Variants in COL17A1 observed in about 807,000 individuals in gnomAD.
The protein encoded by COL17A1 is collagen alpha-1(XVII) chain.
A neutral mutation model predicts 218.4 loss-of-function variants in COL17A1; 181 were observed. That is an observed-to-expected ratio of 0.83 (90% confidence interval 0.73 to 0.94). The LOEUF (loss-of-function observed/expected upper bound fraction) is 0.94, where lower values mean the gene tolerates loss of function less well. Among genes scored for constraint, COL17A1 ranks in the 40% least tolerant of loss-of-function variants. The probability of loss-of-function intolerance (pLI) is 0.00; values close to 1 mark genes in which losing one functional copy is unlikely to be tolerated. For missense variants in COL17A1, 1,924 were observed against 1,945.9 expected (o/e 0.99, Z 0.21); for synonymous variants, 721 against 731.0 (o/e 0.99, Z 0.22).
chr10:104,077,601 G>C, intron 3 of COL17A1, 75 bp from the exon 4 acceptor site: 1 of 1,249,050 alleles, frequency 8.0e-7, no homozygotes, highest in Non-Finnish European at 1.1e-6. Context: ...CCACCCTGTG[G>C]AAGGCTTCCC....
chr10:104,059,160 T>C (rs908298008), intron 15 of COL17A1, among the ~76,000 whole-genome samples: 2 of 152,212 alleles, frequency 1.3e-5, no homozygotes, highest in African/African-American at 4.8e-5. Context: ...TTGGCATTCA[T>C]TTGAAAATGT....
chr10:104,054,320 T>C (rs2086498686), intron 20 of COL17A1, among the ~76,000 whole-genome samples: 1 of 152,238 alleles, frequency 6.6e-6, no homozygotes, highest in Non-Finnish European at 1.5e-5. Context: ...CAAGTTATAG[T>C]GAAAAATTAT....
In COL17A1 at chr10:104,034,196, C is replaced by G; in HGVS notation, c.3905G>C (p.Arg1302Thr). ...SSSSSHSSSV[R>T]RGSSYSSSMS... ...GGAAGAGCTGTAGGAGCTGCCCCGC[C>G]TGACAGATGAGCTGTGTGAGGAGGA... The change falls in exon 52 of 56, where the codon AGG becomes ACG. Residue 1302 changes from arginine to threonine, a missense_variant. Physicochemically the swap from Arg to Thr is moderately conservative, Grantham distance 71 (BLOSUM62 -1). Transcript: ENST00000648076. The G allele has an allele frequency of 6.2e-7, 1 of 1,613,294 alleles. No individual in the cohort carries two copies. Among genetic ancestry groups the G allele is most frequent in the Non-Finnish European group, 8.5e-7 (1 of 1,179,934 alleles).
At chr10:104,074,255 G>A (rs895951360) in intron 5 of COL17A1, 24 bp from the exon 6 acceptor site, 6 of 1,614,000 alleles carry the variant, frequency 3.7e-6, no homozygotes, top group Non-Finnish European at 4.2e-6. Flanking sequence ...GAAACACTTA[G>A]AACAAATGGC....
chr10:104,074,608 C>T (rs1164935867), intron 5 of COL17A1, among the ~76,000 whole-genome samples: 1 of 152,224 alleles, frequency 6.6e-6, no homozygotes, highest in Non-Finnish European at 1.5e-5. Flanking sequence ...AGGAACCTCT[C>T]TGACCTTATG....
chr10:104,079,716 A>G (rs986623657), intron 2 of COL17A1, among the ~76,000 whole-genome samples: 23 of 152,210 alleles, frequency 1.5e-4, no homozygotes, highest in African/African-American at 5.3e-4. Context: ...TCACGAGGTC[A>G]GGAGTTTGAG....
chr10:104,038,135 G>A (rs1464927073), intron 45 of COL17A1, among the ~76,000 whole-genome samples: 4 of 152,078 alleles, frequency 2.6e-5, no homozygotes, highest in Admixed American at 6.5e-5. Flanking sequence ...AGGCTGTGTC[G>A]GGGGCAGCTA....
rs4918079 is a variant in COL17A1, at chr10:104,041,495, G to A, written c.2595C>T (p.Arg865=). The A allele has an allele frequency of 0.8, 1,292,804 of 1,611,580 alleles. 524,077 individuals are homozygous for A. The highest frequency in any genetic ancestry group is 0.83 in the Non-Finnish European group (983,343 of 1,178,292). ...LQGPPGPPGP[R]GPPGPSIPGP... ...CTCCAAGATACTCACCTGGTGGCCCGCGTGGGCCGGGTGGGCCTGGGGGAC... is the reference window on the plus strand; with the variant it reads ...CTCCAAGATACTCACCTGGTGGCCCACGTGGGCCGGGTGGGCCTGGGGGAC... Residue 865 remains arginine, a synonymous_variant, in exon 37 of 56, where the codon CGC becomes CGT. Coordinates refer to ENST00000648076, the MANE Select transcript of COL17A1 (RefSeq NM_000494.4).
intron 41 of COL17A1, 82 bp from the exon 42 acceptor site, chr10:104,039,722 T>C: frequency 6.3e-7 from 1 of 1,597,978 alleles, no homozygotes; most frequent in Non-Finnish European, 8.6e-7. Context: ...CCAAGATCCA[T>C]GATTGCTGGG....
At chr10:104,057,272 G>A (rs1467892897) in intron 16 of COL17A1, 100 bp from the exon 17 acceptor site, 12 of 1,587,430 alleles carry the variant, frequency 7.6e-6, no homozygotes, top group Admixed American at 1.7e-5. Flanking sequence ...GAGTGACTAC[G>A]ACTGGGGGCT....
chr10:104,037,280 T>A (rs572056669), intron 46 of COL17A1, among the ~76,000 whole-genome samples, 167 bp from the exon 47 acceptor site: 1 of 104,946 alleles, frequency 9.5e-6, no homozygotes, highest in South Asian at 3.6e-4. Context: ...CAAATACTGT[T>A]GTTGGGATTT....
chr10:104,050,014 T>C, intron 28 of COL17A1, 75 bp downstream of exon 28: 1 of 1,609,932 alleles, frequency 6.2e-7, no homozygotes, highest in Non-Finnish European at 8.5e-7. Context: ...TACTTCTGGA[T>C]TTTTTCCAAC....
intron 3 of COL17A1, among the ~76,000 whole-genome samples, chr10:104,077,828 A>G (rs2086725280): frequency 6.6e-6 from 1 of 152,232 alleles, no homozygotes; most frequent in South Asian, 2.1e-4. Flanking sequence ...GAAATTTTAA[A>G]TAGTAGAAAA....
intron 44 of COL17A1, among the ~76,000 whole-genome samples, 165 bp downstream of exon 44, chr10:104,038,906 G>C (rs73329712): frequency 6.6e-6 from 1 of 152,050 alleles, no homozygotes; most frequent in African/African-American, 2.4e-5. Flanking sequence ...CCAATAACTC[G>C]TAACCTCCTT....
intron 48 of COL17A1, among the ~76,000 whole-genome samples, chr10:104,036,068 GTGTA>G (rs1460463660): frequency 6.1e-5 from 9 of 146,734 alleles, no homozygotes; most frequent in Non-Finnish European, 3.0e-5. Flanking sequence ...ATGGGAGTAT[GTGTA>G]TGGGAGTGTG....
chr10:104,051,913 C>A (rs574387384), intron 24 of COL17A1, among the ~76,000 whole-genome samples: 1 of 152,236 alleles, frequency 6.6e-6, no homozygotes, highest in Admixed American at 6.5e-5. Flanking sequence ...ATAACGGGGC[C>A]ATTGAAGAGA....
At chr10:104,057,265 T>C in intron 16 of COL17A1, 93 bp from the exon 17 acceptor site, 1 of 1,597,418 alleles carries the variant, frequency 6.3e-7, no homozygotes, top group African/African-American at 1.3e-5. Context: ...CTGGCCTGAG[T>C]GACTACGACT....
intron 11 of COL17A1, 67 bp downstream of exon 11, chr10:104,063,679 TG>T: frequency 6.2e-7 from 1 of 1,606,186 alleles, no homozygotes; most frequent in East Asian, 2.2e-5. Flanking sequence ...TTCATGCTCT[TG>T]GGTGAAGCAT....
chr10:104,057,432 ATGGGG>A (rs2086540957), intron 16 of COL17A1, among the ~76,000 whole-genome samples: 2 of 151,864 alleles, frequency 1.3e-5, no homozygotes, highest in African/African-American at 2.4e-5. Flanking sequence ...TTTTTATAAC[ATGGGG>A]TTAAAAGATT....
Sources: allele counts gnomAD v4.1 joint callset (sites outside exome capture counted in the v4.1 genomes callset), GRCh38; gene constraint gnomAD v4.1.1; transcripts MANE v1.5; gene names NCBI Gene and HGNC (gene_info 2026-07-23, HGNC 2026-07-21).